Variants in LIN7A observed in about 807,000 individuals in gnomAD.
LIN7A encodes protein lin-7 homolog A.
LIN7A carries 25 observed loss-of-function variants against 29.8 expected under a neutral mutation model. The observed-to-expected ratio is 0.84, with a 90% CI of 0.61 to 1.17. LIN7A has a LOEUF of 1.17. Among genes scored for constraint, LIN7A ranks in the 50% most tolerant of loss-of-function variants. The pLI is 0.00. For missense variants in LIN7A, 239 were observed against 287.0 expected (o/e 0.83, Z 1.21); for synonymous variants, 118 against 107.5 (o/e 1.10, Z -0.60).
chr12:80,833,091 C>T (rs10506837), intron 4 of LIN7A, among the ~76,000 whole-genome samples: 60,251 of 152,012 alleles, frequency 0.4, 12,091 homozygotes, highest in Non-Finnish European at 0.42. Flanking sequence ...TGTTCTACTT[C>T]GAAATGCTGT....
At chr12:80,934,447 C>T (rs921848262) in intron 1 of LIN7A, among the ~76,000 whole-genome samples, 2 of 152,144 alleles carry the variant, frequency 1.3e-5, no homozygotes, top group African/African-American at 4.8e-5. Context: ...CTGTAATCAC[C>T]TTGTTCATCC....
chr12:80,801,565 CAAAT>C (rs985250630), intron 5 of LIN7A, among the ~76,000 whole-genome samples: 9 of 152,028 alleles, frequency 5.9e-5, no homozygotes, highest in African/African-American at 2.2e-4. Context: ...TTGTGATGTA[CAAAT>C]AAATTTGTGA....
chr12:80,834,483 G>A (rs1377231545), intron 4 of LIN7A, among the ~76,000 whole-genome samples: 1 of 152,104 alleles, frequency 6.6e-6, no homozygotes, highest in Non-Finnish European at 1.5e-5. Context: ...GATAAAATTA[G>A]CAACTAATGA....
chr12:80,851,341 A>G (rs951958291), intron 2 of LIN7A, among the ~76,000 whole-genome samples: 1 of 151,662 alleles, frequency 6.6e-6, no homozygotes, highest in African/African-American at 2.4e-5. Flanking sequence ...AATGAATCCA[A>G]TATAATTGCT....
chr12:80,877,330 A>G (rs1469281852), intron 2 of LIN7A, among the ~76,000 whole-genome samples: 1 of 152,066 alleles, frequency 6.6e-6, no homozygotes, highest in East Asian at 1.9e-4. Context: ...TCTTCACACA[A>G]AGGAATATTA....
chr12:80,882,141 A>G (rs1392456081), intron 2 of LIN7A, among the ~76,000 whole-genome samples: 4 of 152,172 alleles, frequency 2.6e-5, no homozygotes, highest in South Asian at 2.1e-4. Context: ...AACTACATAC[A>G]TAGGTACATA....
chr12:80,884,687 T>C (rs1470647440), intron 2 of LIN7A, among the ~76,000 whole-genome samples: 1 of 152,178 alleles, frequency 6.6e-6, no homozygotes, highest in African/African-American at 2.4e-5. Flanking sequence ...AGTTTTGAAA[T>C]CCTATTATCA....
chr12:80,873,699 G>A (rs1340547425), intron 2 of LIN7A, among the ~76,000 whole-genome samples: 1 of 152,036 alleles, frequency 6.6e-6, no homozygotes, highest in African/African-American at 2.4e-5. Flanking sequence ...AATGCCACTG[G>A]TCACTGGCCC....
intron 2 of LIN7A, among the ~76,000 whole-genome samples, chr12:80,869,907 A>G (rs1874343047): frequency 6.6e-6 from 1 of 152,226 alleles, no homozygotes; most frequent in South Asian, 2.1e-4. Flanking sequence ...AAAATTATAG[A>G]GTCAGATACT....
intron 1 of LIN7A, among the ~76,000 whole-genome samples, chr12:80,928,963 C>A (rs1029148281): frequency 1.3e-5 from 2 of 151,960 alleles, no homozygotes; most frequent in Non-Finnish European, 2.9e-5. Flanking sequence ...TTTAAATAAT[C>A]CCTGCTAGGG....
intron 2 of LIN7A, among the ~76,000 whole-genome samples, chr12:80,864,502 T>C (rs1467586511): frequency 6.6e-6 from 1 of 152,172 alleles, no homozygotes; most frequent in Non-Finnish European, 1.5e-5. Flanking sequence ...ATTAGGAACA[T>C]TGTTGGAAAA....
intron 2 of LIN7A, among the ~76,000 whole-genome samples, chr12:80,853,001 A>G (rs1342954334): frequency 6.6e-6 from 1 of 152,178 alleles, no homozygotes; most frequent in Non-Finnish European, 1.5e-5. Context: ...CTTCAACTTC[A>G]GAGAGAAGGA....
At chr12:80,892,860 C>A (rs1011175247) in intron 1 of LIN7A, among the ~76,000 whole-genome samples, 2 of 152,142 alleles carry the variant, frequency 1.3e-5, no homozygotes, top group African/African-American at 2.4e-5. Flanking sequence ...AATTTTAAAT[C>A]CCCTGTGTGA....
At position 80,867,266 on chromosome 12, in the gene LIN7A, C is replaced by T. The variant is rs1874189476; in HGVS notation, c.202-18944G>A. On this transcript the variant is annotated intron_variant, in intron 2 of 5. Coordinates refer to ENST00000552864, the MANE Select transcript of LIN7A (RefSeq NM_004664.4). ...CTAGTCCCATGTCTCTTTTAATAGC[C>T]ATCATATCTTTGTCAGAAAGTCACC... 2.0e-5 allele frequency among the ~76,000 whole-genome samples: 3 copies of T among 152,102 alleles called. No individual in the cohort carries two copies. In the South Asian group the frequency reaches 6.2e-4, roughly 31 times the overall value.
intron 2 of LIN7A, among the ~76,000 whole-genome samples, chr12:80,880,592 AATATG>A (rs1465448019): frequency 1.3e-5 from 2 of 152,180 alleles, no homozygotes; most frequent in Non-Finnish European, 2.9e-5. Flanking sequence ...TGGTGAGGGC[AATATG>A]TCTCTATGAA....
At chr12:80,804,721 T>C (rs12810349) in intron 5 of LIN7A, among the ~76,000 whole-genome samples, 9 of 151,968 alleles carry the variant, frequency 5.9e-5, no homozygotes, top group Non-Finnish European at 1.2e-4. Context: ...TTTTTTCTTT[T>C]TTTTGTATTT....
At chr12:80,897,631 C>A (rs1473942481) in intron 1 of LIN7A, among the ~76,000 whole-genome samples, 18 of 151,954 alleles carry the variant, frequency 1.2e-4, no homozygotes, top group Non-Finnish European at 1.5e-4. Flanking sequence ...CATGACAAAA[C>A]CCCATCTCTA....
At chr12:80,812,771 G>C (rs1871352388) in intron 4 of LIN7A, among the ~76,000 whole-genome samples, 1 of 152,006 alleles carries the variant, frequency 6.6e-6, no homozygotes, top group Non-Finnish European at 1.5e-5. Context: ...GGCTGGTCTT[G>C]AACTCCTGAC....
At chr12:80,851,611 A>C (rs1873337173) in intron 2 of LIN7A, among the ~76,000 whole-genome samples, 1 of 152,192 alleles carries the variant, frequency 6.6e-6, no homozygotes, top group Non-Finnish European at 1.5e-5. Flanking sequence ...TTTCATGGAA[A>C]GCCAAAGTAT....
Sources: gnomAD v4.1 joint callset for allele counts (sites outside exome capture counted in the v4.1 genomes callset) on GRCh38, gnomAD v4.1.1 for gene constraint, MANE v1.5 for transcripts, NCBI Gene and HGNC (gene_info 2026-07-23, HGNC 2026-07-21) for gene names.